GABBR2: variants seen among roughly 807,000 people sequenced by gnomAD.
GABBR2 encodes the protein G-protein coupled receptor 51.
Under a neutral mutation model 105.6 loss-of-function variants are expected in GABBR2, and 23 were observed. The ratio of observed to expected loss-of-function variants is 0.22; its 90% CI spans 0.16 to 0.31. GABBR2 has a LOEUF of 0.31. Among genes scored for constraint, GABBR2 ranks in the 10% least tolerant of loss-of-function variants. GABBR2 has a pLI of 1.00. For missense variants in GABBR2, 734 were observed against 1,245.5 expected (o/e 0.59, Z 6.18); for synonymous variants, 478 against 499.7 (o/e 0.96, Z 0.58).
In GABBR2 at chr9:98,630,345, A is replaced by G. The variant is rs184604180; in HGVS notation, c.322-52273T>C. ...ACCACCTAATAGGCAAGATCACTCA[A>G]TGAGAGATGAGGTTGGCAGGGAGGT... On this transcript the variant is annotated intron_variant, in intron 1 of 18. Coordinates refer to ENST00000259455, the MANE Select transcript of GABBR2 (RefSeq NM_005458.8). 5.3e-5 allele frequency among the ~76,000 whole-genome samples: 8 copies of G among 152,290 alleles called. No homozygotes were observed. The East Asian group carries it at 9.6e-4, about 18-fold the overall frequency.
chr9:98,615,687 A>G (rs930084837), intron 1 of GABBR2, among the ~76,000 whole-genome samples: 1 of 152,184 alleles, frequency 6.6e-6, no homozygotes, highest in Non-Finnish European at 1.5e-5. Flanking sequence ...GCTCTCAAAA[A>G]ACACATGGTG....
intron 16 of GABBR2, among the ~76,000 whole-genome samples, chr9:98,302,201 G>A (rs1381618758): frequency 1.3e-5 from 2 of 152,196 alleles, no homozygotes; most frequent in South Asian, 2.1e-4. Flanking sequence ...CTCACTAGGT[G>A]TGCTCATGTC....
intron 3 of GABBR2, among the ~76,000 whole-genome samples, chr9:98,522,055 G>A (rs1400784739): frequency 6.6e-6 from 1 of 151,930 alleles, no homozygotes; most frequent in Non-Finnish European, 1.5e-5. Flanking sequence ...AAGAAACCAG[G>A]CATAGTTAAT....
chr9:98,482,024 G>T (rs1930413), intron 4 of GABBR2, among the ~76,000 whole-genome samples: 1 of 152,102 alleles, frequency 6.6e-6, no homozygotes, highest in Non-Finnish European at 1.5e-5. Flanking sequence ...CGGGTGGGGC[G>T]GCCACCAGGA....
At chr9:98,440,224 C>T (rs1564069891) in intron 7 of GABBR2, among the ~76,000 whole-genome samples, 1 of 149,678 alleles carries the variant, frequency 6.7e-6, no homozygotes, top group East Asian at 2.0e-4. Flanking sequence ...GTTCTGTCCC[C>T]TTCACTTCCC....
At chr9:98,701,428 G>A (rs1397746122) in intron 1 of GABBR2, among the ~76,000 whole-genome samples, 1 of 152,076 alleles carries the variant, frequency 6.6e-6, no homozygotes, top group Admixed American at 6.5e-5. Context: ...ACATGCAGAG[G>A]GCAGCTACAG....
At chr9:98,487,968 T>C (rs1314830809) in intron 4 of GABBR2, among the ~76,000 whole-genome samples, 2 of 152,218 alleles carry the variant, frequency 1.3e-5, no homozygotes, top group Non-Finnish European at 2.9e-5. Flanking sequence ...AATGTATTCA[T>C]GTATTCACAA....
intron 2 of GABBR2, chr9:98,552,146 C>G (rs1196411627): frequency 6.6e-6 from 1 of 152,268 alleles, no homozygotes; most frequent in East Asian, 1.9e-4. Flanking sequence ...CATTCTTCAC[C>G]TGTTTTGGGG....
chr9:98,544,596 GA>G (rs1828367452), intron 2 of GABBR2, among the ~76,000 whole-genome samples: 1 of 152,132 alleles, frequency 6.6e-6, no homozygotes, highest in African/African-American at 2.4e-5. Flanking sequence ...TCTGGCCTTG[GA>G]AAACCTGCCA....
At chr9:98,309,561 T>G (rs1830605016) in intron 14 of GABBR2, among the ~76,000 whole-genome samples, 1 of 152,122 alleles carries the variant, frequency 6.6e-6, no homozygotes, top group Non-Finnish European at 1.5e-5. Context: ...GGAGATGGAG[T>G]CTGCCTTCCA....
intron 1 of GABBR2, among the ~76,000 whole-genome samples, chr9:98,621,339 C>G (rs576298028): frequency 3.1e-4 from 47 of 152,174 alleles, no homozygotes; most frequent in Non-Finnish European, 5.7e-4. Flanking sequence ...TGTTCTGTAT[C>G]CATGGCATCC....
rs537278593 is a variant in GABBR2 at position 98,600,692 on chromosome 9, AG to A, written c.322-22621del. ...TTCACCTCTGCAGGTTCCCCAAGGCAGAAAACTGGGAGCCGTCCAAGACTCC... is the reference window on the plus strand; with the variant it reads ...TTCACCTCTGCAGGTTCCCCAAGGCAAAAACTGGGAGCCGTCCAAGACTCC... On this transcript the variant is annotated intron_variant, in intron 1 of 18. Coordinates refer to ENST00000259455, the MANE Select transcript of GABBR2 (RefSeq NM_005458.8). Among the ~76,000 whole-genome samples the A allele has an allele frequency of 5.4e-3, 817 of 152,366 alleles. 4 individuals are homozygous for A. Among genetic ancestry groups the A allele is most frequent in the Middle Eastern group, 0.037 (11 of 294 alleles).
chr9:98,611,979 T>C (rs912416528), intron 1 of GABBR2, among the ~76,000 whole-genome samples: 1 of 152,254 alleles, frequency 6.6e-6, no homozygotes, highest in Non-Finnish European at 1.5e-5. Context: ...ACAGGCCTGC[T>C]CAGTTTCTGG....
At chr9:98,551,777 A>T (rs952473446) in intron 2 of GABBR2, among the ~76,000 whole-genome samples, 2 of 152,180 alleles carry the variant, frequency 1.3e-5, no homozygotes, top group African/African-American at 4.8e-5. Flanking sequence ...CTCTTTAGGG[A>T]GCCGGGACAT....
intron 13 of GABBR2, among the ~76,000 whole-genome samples, chr9:98,336,540 C>T (rs888051625): frequency 4.6e-5 from 7 of 152,042 alleles, no homozygotes; most frequent in African/African-American, 1.7e-4. Context: ...CCCGTCTCTA[C>T]TAAAAAATAC....
chr9:98,640,069 C>A (rs1173156002), intron 1 of GABBR2, among the ~76,000 whole-genome samples: 1 of 150,682 alleles, frequency 6.6e-6, no homozygotes, highest in African/African-American at 2.4e-5. Context: ...ACTTTTAAGA[C>A]CTCCATTTTA....
intron 3 of GABBR2, among the ~76,000 whole-genome samples, chr9:98,499,445 A>T (rs1326114384): frequency 6.6e-6 from 1 of 152,220 alleles, no homozygotes. Context: ...AACAGGCCAG[A>T]ACAGATGGTC....
At chr9:98,391,830 G>A (rs902354635) in intron 9 of GABBR2, among the ~76,000 whole-genome samples, 8 of 152,148 alleles carry the variant, frequency 5.3e-5, no homozygotes, top group East Asian at 3.9e-4. Context: ...GGGGACGTGC[G>A]GGGCTCTGAG....
intron 1 of GABBR2, among the ~76,000 whole-genome samples, chr9:98,687,110 A>G (rs1830629322): frequency 6.6e-6 from 1 of 151,860 alleles, no homozygotes; most frequent in Non-Finnish European, 1.5e-5. Flanking sequence ...AGATCTAGAC[A>G]CTAGTTAAAG....
Sources: allele counts gnomAD v4.1 joint callset (sites outside exome capture counted in the v4.1 genomes callset), GRCh38; gene constraint gnomAD v4.1.1; transcripts MANE v1.5; gene names NCBI Gene and HGNC (gene_info 2026-07-23, HGNC 2026-07-21).